SPAG16: variants seen among roughly 807,000 people sequenced by gnomAD.
SPAG16 encodes the protein sperm associated antigen 16, also known as sperm-associated antigen 16 protein.
A neutral mutation model predicts 80.4 loss-of-function variants in SPAG16; 86 were observed. That is an observed-to-expected ratio of 1.07 (90% CI 0.90 to 1.28). The LOEUF (loss-of-function observed/expected upper bound fraction) is 1.28, where lower values mean the gene tolerates loss of function less well. SPAG16 is among the 50% of genes most tolerant of loss of function. The probability of loss-of-function intolerance (pLI) is 0.00; values close to 1 mark genes in which losing one functional copy is unlikely to be tolerated. For synonymous variants in SPAG16, 294 were observed against 265.9 expected, an observed-to-expected ratio of 1.11 and a Z score of -1.03; for missense variants, 870 against 765.3, an observed-to-expected ratio of 1.14 and a Z score of -1.61.
intron 10 of SPAG16, among the ~76,000 whole-genome samples, chr2:213,516,267 T>G (rs1053512694): frequency 2.6e-5 from 4 of 152,172 alleles, no homozygotes; most frequent in African/African-American, 9.7e-5. Context: ...TTGTGTGTAT[T>G]TAAGTAATGG....
At chr2:213,862,697 A>G in intron 11 of SPAG16, 69 bp downstream of exon 11, 1 of 1,534,846 alleles carries the variant, frequency 6.5e-7, no homozygotes, top group Non-Finnish European at 8.9e-7. Flanking sequence ...CTGTCTGCTC[A>G]CTCTGCTGTC....
chr2:213,458,790 C>T (rs2072189882), intron 9 of SPAG16, among the ~76,000 whole-genome samples: 1 of 152,132 alleles, frequency 6.6e-6, no homozygotes, highest in African/African-American at 2.4e-5. Context: ...TTTTACTGTT[C>T]TCCCTTTGAA....
In SPAG16 at chr2:214,086,553, C is replaced by T. The variant is rs551018083; in HGVS notation, c.1528-21643C>T. 9.2e-5 allele frequency among the ~76,000 whole-genome samples: 14 copies of T among 152,150 alleles called. No homozygotes were observed. In the South Asian group the frequency reaches 2.9e-3, roughly 32 times the overall value. On this transcript the variant is annotated intron_variant, in intron 13 of 15. Coordinates refer to ENST00000331683, the MANE Select transcript of SPAG16 (RefSeq NM_024532.5). The stretch of plus-strand genomic sequence containing the variant: ...TGAGATCTGATGGTTTTATAAGAGG[C>T]ATTTCCTCCCTTATTCCCTCTCTTG...
At chr2:213,877,551 G>C (rs921744867) in intron 11 of SPAG16, among the ~76,000 whole-genome samples, 1 of 152,172 alleles carries the variant, frequency 6.6e-6, no homozygotes, top group African/African-American at 2.4e-5. Context: ...TTGAGTTCAA[G>C]TGATCCTGCT....
At chr2:213,802,439 A>ATCTG (rs2071477684) in intron 10 of SPAG16, among the ~76,000 whole-genome samples, 1 of 143,898 alleles carries the variant, frequency 6.9e-6, no homozygotes, top group African/African-American at 2.5e-5. Flanking sequence ...CTATCTATCT[A>ATCTG]TCTATCTACA....
intron 10 of SPAG16, among the ~76,000 whole-genome samples, chr2:213,712,854 C>T (rs185537413): frequency 5.3e-5 from 8 of 152,148 alleles, no homozygotes; most frequent in Admixed American, 2.6e-4. Context: ...CCCTGCTTAC[C>T]TGGTGGCAGG....
At chr2:213,916,310 C>G (rs563644798) in intron 11 of SPAG16, among the ~76,000 whole-genome samples, 8 of 152,288 alleles carry the variant, frequency 5.3e-5, no homozygotes, top group Middle Eastern at 3.4e-3. Context: ...AGGAAGGGAT[C>G]CAGTTTCACT....
intron 10 of SPAG16, among the ~76,000 whole-genome samples, chr2:213,734,305 C>A (rs2067191641): frequency 6.6e-6 from 1 of 152,142 alleles, no homozygotes; most frequent in Non-Finnish European, 1.5e-5. Context: ...AAATTCAGTT[C>A]TTAGCTATTG....
chr2:213,906,361 T>C (rs2077432537), intron 11 of SPAG16, among the ~76,000 whole-genome samples: 1 of 151,524 alleles, frequency 6.6e-6, no homozygotes, highest in Non-Finnish European at 1.5e-5. Flanking sequence ...ATGAAAGAAA[T>C]TGAACAGGAC....
chr2:213,855,754 A>G (rs867485983), intron 10 of SPAG16, among the ~76,000 whole-genome samples: 7 of 152,268 alleles, frequency 4.6e-5, no homozygotes, highest in Middle Eastern at 3.4e-3. Context: ...CAGATCTCAT[A>G]AGAACTCACT....
chr2:214,289,633 C>T (rs1693639450), intron 15 of SPAG16, among the ~76,000 whole-genome samples: 1 of 152,096 alleles, frequency 6.6e-6, no homozygotes, highest in East Asian at 1.9e-4. Flanking sequence ...TTATTATAGC[C>T]GTCTAACATA....
intron 10 of SPAG16, among the ~76,000 whole-genome samples, chr2:213,717,470 C>T (rs2066291658): frequency 6.6e-6 from 1 of 151,990 alleles, no homozygotes; most frequent in Non-Finnish European, 1.5e-5. Flanking sequence ...AAAGTAGGAC[C>T]TTTTCTATCT....
At chr2:213,844,872 T>C (rs950515864) in intron 10 of SPAG16, among the ~76,000 whole-genome samples, 5 of 152,210 alleles carry the variant, frequency 3.3e-5, no homozygotes, top group Admixed American at 6.5e-5. Context: ...CGTAGGATAA[T>C]GGTAAAATTA....
chr2:213,659,121 A>T (rs1185010242), intron 10 of SPAG16, among the ~76,000 whole-genome samples: 2 of 152,222 alleles, frequency 1.3e-5, no homozygotes, highest in Non-Finnish European at 2.9e-5. Flanking sequence ...ATTATTGTGT[A>T]TTCTTCAATA....
intron 10 of SPAG16, among the ~76,000 whole-genome samples, chr2:213,617,239 C>G (rs2061627854): frequency 1.3e-5 from 2 of 152,140 alleles, no homozygotes; most frequent in Non-Finnish European, 2.9e-5. Flanking sequence ...TCTGGAAGGG[C>G]CCTTCACTCA....
At chr2:213,404,989 G>A (rs1559097530) in intron 9 of SPAG16, among the ~76,000 whole-genome samples, 1 of 152,032 alleles carries the variant, frequency 6.6e-6, no homozygotes, top group Non-Finnish European at 1.5e-5. Context: ...TTTGGCATTT[G>A]GCAACATACC....
rs202125075 is a variant in SPAG16, at chr2:213,860,363, A to G, written c.1071-2122A>G. ...TACAGATATATATATATATATATAT[A>G]TGTGTGTGTGTGTATATCTATAAAT... On this transcript the variant is annotated intron_variant, in intron 10 of 15. Transcript: ENST00000331683. Among the ~76,000 whole-genome samples the G allele has an allele frequency of 6.2e-3, 310 of 50,244 alleles. 1 individual carries two copies. Among genetic ancestry groups the G allele is most frequent in the South Asian group, 0.026 (22 of 848 alleles). The allele number at this position is 50,244 out of a possible 152,430, so 33.0% of individuals were successfully genotyped here. A position where few individuals can be genotyped will look rare whatever the true frequency, so the allele number is the denominator to read the frequency against.
chr2:214,131,263 G>C (rs891077310), intron 14 of SPAG16, among the ~76,000 whole-genome samples: 1 of 151,842 alleles, frequency 6.6e-6, no homozygotes, highest in Non-Finnish European at 1.5e-5. Flanking sequence ...TAGTTGCTTC[G>C]GGAAGTTGAA....
chr2:214,059,779 G>A (rs2050160475), intron 13 of SPAG16, among the ~76,000 whole-genome samples: 1 of 150,964 alleles, frequency 6.6e-6, no homozygotes, highest in African/African-American at 2.4e-5. Flanking sequence ...CATTATATGT[G>A]CCCCCAGCCT....
Sources: gnomAD v4.1 joint callset for allele counts (sites outside exome capture counted in the v4.1 genomes callset) on GRCh38, gnomAD v4.1.1 for gene constraint, MANE v1.5 for transcripts, NCBI Gene and HGNC (gene_info 2026-07-23, HGNC 2026-07-21) for gene names.